TMEM117: variants seen among roughly 807,000 people sequenced by gnomAD.
The protein encoded by TMEM117 is transmembrane protein 117.
In TMEM117, 27 loss-of-function variants were observed where a neutral mutation model predicts 52.4. The ratio of observed to expected loss-of-function variants is 0.51; its 90% CI spans 0.38 to 0.71. The LOEUF (loss-of-function observed/expected upper bound fraction) is 0.71, where lower values mean the gene tolerates loss of function less well. Among genes scored for constraint, TMEM117 ranks in the 30% least tolerant of loss-of-function variants. TMEM117 has a pLI of 0.00. For synonymous variants in TMEM117, 215 were observed against 206.3 expected (o/e 1.04, Z -0.36); for missense variants, 556 against 630.5 (o/e 0.88, Z 1.26).
rs144265574 is a variant in TMEM117 at position 44,014,746 on chromosome 12, T to G, written c.410+70404T>G. On this transcript the variant is annotated intron_variant, in intron 3 of 7. Coordinates refer to ENST00000266534, the MANE Select transcript of TMEM117 (RefSeq NM_032256.3). ...TTACTGCTATTTTTTCCCCTTGGTG[T>G]TGTGCTTTTATGTTGACACTTTTCT... Among the ~76,000 whole-genome samples, 610 of 152,326 alleles carry G rather than the reference T, an allele frequency of 4.0e-3. 2 individuals are homozygous for G. The highest frequency in any genetic ancestry group is 7.3e-3 in the Non-Finnish European group (494 of 68,030).
chr12:44,157,376 A>C (rs960849472), intron 4 of TMEM117, among the ~76,000 whole-genome samples: 3 of 151,872 alleles, frequency 2.0e-5, no homozygotes, highest in Non-Finnish European at 2.9e-5. Flanking sequence ...TAATATTGTT[A>C]GTGTTACTTA....
chr12:44,211,826 G>A (rs763938500), intron 5 of TMEM117, among the ~76,000 whole-genome samples: 4 of 152,072 alleles, frequency 2.6e-5, no homozygotes, highest in African/African-American at 7.2e-5. Flanking sequence ...ATGTAGTTTC[G>A]TTTAGCTCTC....
At chr12:43,845,648 TCAACATTTACA>T (rs1401601425) in intron 2 of TMEM117, among the ~76,000 whole-genome samples, 1 of 151,970 alleles carries the variant, frequency 6.6e-6, no homozygotes, top group African/African-American at 2.4e-5. Context: ...ACCCGTTAAC[TCAACATTTACA>T]TTAGGTATTT....
At chr12:43,991,824 C>T (rs61202170) in intron 3 of TMEM117, among the ~76,000 whole-genome samples, 6,161 of 152,200 alleles carry the variant, frequency 0.04, 206 homozygotes, top group African/African-American at 0.09. Flanking sequence ...ATTTGAATGA[C>T]GGCAGCAGCC....
At chr12:44,274,949 C>T (rs1257479881) in intron 5 of TMEM117, among the ~76,000 whole-genome samples, 1 of 151,994 alleles carries the variant, frequency 6.6e-6, no homozygotes, top group Non-Finnish European at 1.5e-5. Context: ...GAAAAGTTGG[C>T]AAATGGGATC....
rs543261435 is a variant in TMEM117 at position 43,875,194 on chromosome 12, CAG to C, written c.277+30267_277+30268del. Among the ~76,000 whole-genome samples the C allele has an allele frequency of 1.3e-4, 20 of 150,270 alleles. No homozygotes were observed. In the South Asian group the frequency reaches 4.0e-3, roughly 30 times the overall value. ...CAGTAAGATTTGCTTAAACTCAGGA[CAG>C]GGGGTTGAAAAGAATGGTGGGGAAG... On this transcript the variant is annotated intron_variant, in intron 2 of 7. Transcript: ENST00000266534.
intron 6 of TMEM117, among the ~76,000 whole-genome samples, chr12:44,351,449 G>T (rs1394452558): frequency 6.6e-6 from 1 of 151,942 alleles, no homozygotes; most frequent in African/African-American, 2.4e-5. Context: ...ATGTCTTGGT[G>T]ATTTTCCCCA....
chr12:43,801,979 G>A, the TMEM117 span, among the ~76,000 whole-genome samples: 2,856 of 152,266 alleles, frequency 0.019, 54 homozygotes, highest in South Asian at 0.072. Flanking sequence ...GCAGTGAGCC[G>A]AAACTGCACC....
At chr12:44,183,074 A>G (rs572401600) in intron 4 of TMEM117, among the ~76,000 whole-genome samples, 1 of 152,250 alleles carries the variant, frequency 6.6e-6, no homozygotes, top group Non-Finnish European at 1.5e-5. Context: ...ATGTAAAATC[A>G]TTTTGGATTT....
At chr12:43,818,630 G>A in the TMEM117 span, among the ~76,000 whole-genome samples, 2 of 151,958 alleles carry the variant, frequency 1.3e-5, no homozygotes, top group East Asian at 1.9e-4. Context: ...TAGTAGAGAC[G>A]GGGTTTCACC....
chr12:44,115,457 T>C (rs1445509079), intron 3 of TMEM117, among the ~76,000 whole-genome samples: 1 of 152,152 alleles, frequency 6.6e-6, no homozygotes, highest in African/African-American at 2.4e-5. Flanking sequence ...TAAAGTACAA[T>C]TTAAAAAACC....
rs535126565 is a variant in TMEM117, at chr12:44,021,318, A to G, written c.410+76976A>G. Among the ~76,000 whole-genome samples the G allele has an allele frequency of 6.6e-5, 10 of 152,202 alleles. No homozygotes were observed. In the East Asian group the frequency reaches 1.5e-3, roughly 24 times the overall value. On this transcript the variant is annotated intron_variant, in intron 3 of 7. Coordinates refer to ENST00000266534, the MANE Select transcript of TMEM117 (RefSeq NM_032256.3). ...GTCTGCTGTTTCCTTCTTTCTGTTC[A>G]TAAGTTCTTATTATTTAGTTCCCAC...
At chr12:44,222,506 A>G (rs185704010) in intron 5 of TMEM117, among the ~76,000 whole-genome samples, 2 of 152,310 alleles carry the variant, frequency 1.3e-5, no homozygotes, top group East Asian at 3.9e-4. Context: ...ATGCACCTTG[A>G]GTGCCTTCAT....
chr12:44,390,635 TAAA>T (rs1048987955), downstream of TMEM117, among the ~76,000 whole-genome samples: 1 of 151,992 alleles, frequency 6.6e-6, no homozygotes, highest in Non-Finnish European at 1.5e-5. Flanking sequence ...GAAAAACTAT[TAAA>T]AAAATGAAAA....
At chr12:44,374,684 T>G (rs1459392410) in intron 6 of TMEM117, among the ~76,000 whole-genome samples, 1 of 151,562 alleles carries the variant, frequency 6.6e-6, no homozygotes, top group Non-Finnish European at 1.5e-5. Context: ...TTTATCATAG[T>G]CTACAAGAAA....
At chr12:43,956,454 C>T (rs1297936976) in intron 3 of TMEM117, among the ~76,000 whole-genome samples, 1 of 119,488 alleles carries the variant, frequency 8.4e-6, no homozygotes, top group Non-Finnish European at 1.7e-5. Flanking sequence ...AAGGTAAAAA[C>T]ACAACCCTGT....
At chr12:44,039,909 T>G (rs1198637598) in intron 3 of TMEM117, among the ~76,000 whole-genome samples, 1 of 152,194 alleles carries the variant, frequency 6.6e-6, no homozygotes, top group Non-Finnish European at 1.5e-5. Context: ...CCCTGGTATA[T>G]AGTAGGTGCT....
At position 44,143,632 on chromosome 12, in the gene TMEM117, A is replaced by T; in HGVS notation, c.510+8A>T. ...TTTGTCACAGCTTGGATGGTAAGAA[A>T]ATTTTAACTTCACCCATTTCAAACA... On this transcript the variant is annotated splice_region_variant and intron_variant, in intron 4 of 7. Coordinates refer to ENST00000266534, the MANE Select transcript of TMEM117 (RefSeq NM_032256.3). The T allele has an allele frequency of 6.2e-7, 1 of 1,601,170 alleles. No individual in the cohort carries two copies. The highest frequency in any genetic ancestry group is 8.5e-7 in the Non-Finnish European group (1 of 1,169,810).
At chr12:44,152,943 A>G (rs1045225801) in intron 4 of TMEM117, among the ~76,000 whole-genome samples, 2 of 150,130 alleles carry the variant, frequency 1.3e-5, no homozygotes, top group African/African-American at 4.9e-5. Flanking sequence ...TATACTTAAG[A>G]ATAGTGCATA....
Sources: allele counts gnomAD v4.1 joint callset (sites outside exome capture counted in the v4.1 genomes callset), GRCh38; gene constraint gnomAD v4.1.1; transcripts MANE v1.5; gene names NCBI Gene and HGNC (gene_info 2026-07-23, HGNC 2026-07-21).